The following SEC16A variants were observed in gnomAD, a reference collection of about 807,000 sequenced individuals.
SEC16A encodes the protein protein transport protein Sec16A.
SEC16A carries 110 observed loss-of-function variants against 221.9 expected under a neutral mutation model. The ratio of observed to expected loss-of-function variants is 0.50; its 90% confidence interval spans 0.42 to 0.58. SEC16A has a LOEUF of 0.58. Among genes scored for constraint, SEC16A ranks in the 20% least tolerant of loss-of-function variants. The pLI, the probability that SEC16A is intolerant of heterozygous loss-of-function variation, is 0.00. For missense variants in SEC16A, 3,165 were observed against 3,097.8 expected, an observed-to-expected ratio of 1.02 and a Z score of -0.52; for synonymous variants, 1,393 against 1,257.7, an observed-to-expected ratio of 1.11 and a Z score of -2.28.
chr9:136,465,900 C>A, intron 8 of SEC16A, 62 bp downstream of exon 8: 1 of 1,523,062 alleles, frequency 6.6e-7, no homozygotes, highest in Non-Finnish European at 8.9e-7. Context: ...TGTTCAGATG[C>A]CAGGCTGGGT....
At chr9:136,446,279 T>G (rs911879417) in intron 28 of SEC16A, among the ~76,000 whole-genome samples, 5 of 143,944 alleles carry the variant, frequency 3.5e-5, no homozygotes, top group South Asian at 2.2e-4. Context: ...GTAAATTTTG[T>G]TTTTTTTTTA....
rs920913775 is a variant in SEC16A at position 136,477,324 on chromosome 9, G to A, written c.292C>T (p.His98Tyr). 1 of 1,613,968 alleles carries A rather than the reference G, an allele frequency of 6.2e-7. No individual in the cohort carries two copies. Among genetic ancestry groups the A allele is most frequent in the Non-Finnish European group, 8.5e-7 (1 of 1,179,904 alleles). ...QHPGLLVPHT[H>Y]ARDSSQGPCE... ...GGTCCCTGAGAGCTATCTCTGGCATGTGTGTGAGGAACAAGCAAACCGGGG... is the reference window on the plus strand; with the variant it reads ...GGTCCCTGAGAGCTATCTCTGGCATATGTGTGAGGAACAAGCAAACCGGGG... The change falls in exon 3 of 32, where the codon CAT becomes TAT. Residue 98 changes from histidine to tyrosine, a missense_variant. By Grantham distance (83) the His-to-Tyr change is moderately conservative. Around this residue, in one of 3 missense-constraint regions of SEC16A, gnomAD observed 2,030 missense variants for 1,923.1 expected, o/e 1.06. Coordinates refer to ENST00000684901, the MANE Select transcript of SEC16A (RefSeq NM_014866.2).
At chr9:136,460,230 A>G in intron 13 of SEC16A, 107 bp from the exon 14 acceptor site, 1 of 796,394 alleles carries the variant, frequency 1.3e-6, no homozygotes, top group Non-Finnish European at 2.1e-6. Flanking sequence ...TGGGAGGCCA[A>G]AGTGGGCGGA....
chr9:136,447,344 C>T lies in SEC16A; in HGVS notation c.6580G>A (p.Val2194Ile), dbSNP rs776167624. The change falls in exon 27 of 32, where the codon GTT (valine) becomes ATT (isoleucine). Residue 2194 changes from valine to isoleucine, a missense_variant. Physicochemically the swap from Val to Ile is conservative, Grantham distance 29. Coordinates refer to ENST00000684901, the MANE Select transcript of SEC16A (RefSeq NM_014866.2). This position sits in a 1 kb window ranked among gnomAD's most constrained non-coding sequence, Gnocchi z 5.5. ...GTCCCGCTTGGGTTCAGGACGTCAA[C>T]GTAGCGAGCTCTGGTTCCTGCTGCA... ...RRAAGTRARY[V>I]DVLNPSGTQR... 24 of 1,598,388 alleles carry T rather than the reference C, an allele frequency of 1.5e-5. No homozygotes were observed. Among genetic ancestry groups the T allele is most frequent in the African/African-American group, 9.4e-5 (7 of 74,690 alleles).
chr9:136,457,435 G>T lies in SEC16A; in HGVS notation c.5550+9C>A. On this transcript the variant is annotated intron_variant, in intron 18 of 31. Coordinates refer to ENST00000684901, the MANE Select transcript of SEC16A (RefSeq NM_014866.2). Reference sequence around the variant, plus strand: ...ACAGCATCCCGAGGACAGGCGCCAGGGGCAGCACCTGCACAAGCTGGCTGA... The same window carrying T: ...ACAGCATCCCGAGGACAGGCGCCAGTGGCAGCACCTGCACAAGCTGGCTGA... The T allele has an allele frequency of 6.3e-7, 1 of 1,598,298 alleles. No homozygotes were observed.
chr9:136,467,123 A>G (rs762631904), intron 5 of SEC16A, 40 bp from the exon 6 acceptor site: 20 of 1,612,098 alleles, frequency 1.2e-5, no homozygotes, highest in Non-Finnish European at 1.7e-5. Flanking sequence ...GTAACATGCA[A>G]AAGAAGAAAT....
At chr9:136,452,351 TGAGGCAGAGAATTGCTTAAACCTGG>T (rs1837936860) in intron 22 of SEC16A, among the ~76,000 whole-genome samples, 1 of 144,382 alleles carries the variant, frequency 6.9e-6, no homozygotes, top group African/African-American at 2.6e-5. Context: ...CTCAGGAGGC[TGAGGCAGAGAATTGCTTAAACCTGG>T]GAGGCAGAGG....
chr9:136,460,165 C>T, intron 13 of SEC16A, 42 bp from the exon 14 acceptor site: 1 of 1,536,738 alleles, frequency 6.5e-7, no homozygotes. Flanking sequence ...GCTGGCTCAG[C>T]TAAAAGAAAA....
chr9:136,455,316 G>A (rs906685749), intron 20 of SEC16A, among the ~76,000 whole-genome samples: 3 of 152,178 alleles, frequency 2.0e-5, no homozygotes, highest in Non-Finnish European at 2.9e-5. Flanking sequence ...AAACAAGCAG[G>A]GAGGCTGAGC....
rs1477692292 is a variant in SEC16A at position 136,441,316 on chromosome 9, C to T, written c.*439G>A. The T allele has an allele frequency of 9.8e-6, 2 of 204,850 alleles. No homozygotes were observed. The highest frequency in any genetic ancestry group is 2.1e-5 in the Non-Finnish European group (2 of 97,454). 12.7% of individuals were successfully genotyped at this position (204,850 alleles called of 1,614,324 possible). ...CTGCCTCAGTCACCCTCTCTTTGCT[C>T]CCAGCACCTTAAAGGAAGCGCGGGA... On this transcript the variant is annotated 3_prime_UTR_variant, in exon 32 of 32. Coordinates refer to ENST00000684901, the MANE Select transcript of SEC16A (RefSeq NM_014866.2).
chr9:136,443,798 G>C, intron 31 of SEC16A, 25 bp downstream of exon 31: 1 of 1,597,170 alleles, frequency 6.3e-7, no homozygotes, highest in Non-Finnish European at 8.6e-7. Flanking sequence ...TTAGGGTCTC[G>C]TAGGGAAAGG....
intron 1 of SEC16A, among the ~76,000 whole-genome samples, chr9:136,481,229 G>A (rs1487291774): frequency 2.8e-5 from 4 of 145,044 alleles, no homozygotes; most frequent in Non-Finnish European, 6.0e-5. Context: ...CCGCCCCCCG[G>A]GGTTCACGCC....
chr9:136,451,126 T>C (rs1837730770), intron 23 of SEC16A, 130 bp downstream of exon 23: 1 of 932,228 alleles, frequency 1.1e-6, no homozygotes, highest in Non-Finnish European at 1.6e-6. Flanking sequence ...GTGTGCACTG[T>C]AGACACTCGG....
In SEC16A at chr9:136,459,550, T is replaced by A. The variant is rs777876319; in HGVS notation, c.5197A>T (p.Arg1733Trp). The A allele has an allele frequency of 4.4e-6, 7 of 1,594,368 alleles. No homozygotes were observed. The African/African-American group carries it at 8.1e-5, about 18-fold the overall frequency. ...MATMGDTLAS[R>W]GLLDAAHFCY... ...AAGTGGGCCGCATCCAAGAGGCCCC[T>A]TGAAGCTGCGGAGAGACGACACGAC... The change falls in exon 16 of 32, where the codon AGG becomes TGG. Residue 1733 changes from arginine to tryptophan, a missense_variant. Physicochemically the swap from Arg to Trp is moderately radical, Grantham distance 101. Around this residue, in one of 3 missense-constraint regions of SEC16A, gnomAD observed 1,088 missense variants for 1,089.6 expected, o/e 1.00. Coordinates refer to ENST00000684901, the MANE Select transcript of SEC16A (RefSeq NM_014866.2). This position sits in a 1 kb window ranked among gnomAD's most constrained non-coding sequence, Gnocchi z 6.1.
chr9:136,480,977 G>A (rs1356800353), intron 1 of SEC16A, among the ~76,000 whole-genome samples: 1 of 151,998 alleles, frequency 6.6e-6, no homozygotes, highest in African/African-American at 2.4e-5. Context: ...CAACCTTCAT[G>A]CTCCCTAATT....
Position 136,474,144 on chromosome 9 carries a change from C to T in SEC16A, c.3472G>A (p.Ala1158Thr), listed in dbSNP as rs774884155. 3.2e-5 allele frequency: 51 copies of T among 1,613,172 alleles called. No individual in the cohort carries two copies. Among genetic ancestry groups the T allele is most frequent in the African/African-American group, 5.3e-5 (4 of 74,916 alleles). ...APGPPPQDLA[A>T]YYYYRPLYDA... ...TACAAAGGCCGGTAGTAGTAGTAGGCGGCCAGGTCCTGAGGCGGTGGGCCG... is the reference window on the plus strand; with the variant it reads ...TACAAAGGCCGGTAGTAGTAGTAGGTGGCCAGGTCCTGAGGCGGTGGGCCG... Residue 1158 changes from alanine (A) to threonine (T), a missense_variant, in exon 3 of 32, where the codon GCC becomes ACC. Physicochemically the swap from Ala to Thr is moderately conservative, Grantham distance 58 (BLOSUM62 0). Around this residue, in one of 3 missense-constraint regions of SEC16A, gnomAD observed 2,030 missense variants for 1,923.1 expected, o/e 1.06. Transcript: ENST00000684901.
At position 136,466,233 on chromosome 9, in the gene SEC16A, G is replaced by A. The variant is rs371038713; in HGVS notation, c.4128+31C>T. On this transcript the variant is annotated intron_variant, in intron 7 of 31. Transcript: ENST00000684901. The surrounding 1 kb of genome is among the most constrained non-coding windows in gnomAD (Gnocchi z 5.5). ...CAGGATGGTGGTTCTAAACACAACC[G>A]TCCGCGTGTCTGTGAGGCGCCGCCG... 3.2e-5 allele frequency: 50 copies of A among 1,586,058 alleles called. No homozygotes were observed. Among genetic ancestry groups the A allele is most frequent in the Admixed American group, 1.7e-4 (10 of 57,556 alleles).
intron 18 of SEC16A, 38 bp from the exon 19 acceptor site, chr9:136,456,204 C>A (rs573712379): frequency 2.0e-6 from 3 of 1,483,860 alleles, no homozygotes; most frequent in East Asian, 2.3e-5. Flanking sequence ...CTGTCACCAC[C>A]GGGTGATGGC....
chr9:136,484,659 G>A (rs1450782288), upstream of SEC16A: 4 of 1,365,990 alleles, frequency 2.9e-6, no homozygotes, highest in Middle Eastern at 2.1e-4. Flanking sequence ...GAGGGAGGGG[G>A]TGATATCCGT....
Sources: gnomAD v4.1 joint callset for allele counts (sites outside exome capture counted in the v4.1 genomes callset) on GRCh38, gnomAD v4.1.1 for gene constraint, gnomAD v4.1.1 regional missense constraint, Gnocchi (gnomAD v3.1) non-coding constraint, MANE v1.5 for transcripts, NCBI Gene and HGNC (gene_info 2026-07-23, HGNC 2026-07-21) for gene names.